The following RFTN1 variants were observed in gnomAD, a reference collection of about 807,000 sequenced individuals.
RFTN1 encodes raftlin.
In RFTN1, 26 loss-of-function variants were observed where a neutral mutation model predicts 46.5. That is an observed-to-expected ratio of 0.56 (90% confidence interval 0.41 to 0.78). The LOEUF is 0.78. RFTN1 is among the 30% of genes least tolerant of loss of function. RFTN1 has a pLI of 0.00. For synonymous variants in RFTN1, 261 were observed against 284.2 expected, an observed-to-expected ratio of 0.92 and a Z score of 0.82; for missense variants, 693 against 718.7, an observed-to-expected ratio of 0.96 and a Z score of 0.41.
intron 4 of RFTN1, among the ~76,000 whole-genome samples, chr3:16,396,704 A>G (rs913529177): frequency 6.6e-6 from 1 of 152,202 alleles, no homozygotes; most frequent in Admixed American, 6.5e-5. Flanking sequence ...AATGCAATAA[A>G]GTACTAGATT....
rs571667797 is a variant in RFTN1, at chr3:16,512,564, G to A, written c.-9+878C>T. On this transcript the variant is annotated intron_variant, in intron 1 of 9. Coordinates refer to ENST00000334133, the MANE Select transcript of RFTN1 (RefSeq NM_015150.2). This position sits in a 1 kb window ranked among gnomAD's most constrained non-coding sequence, Gnocchi z 4.3. ...GTCACAGACAGACAGCAGGGAGCGTGCCTGGTTCTACAACCTTGGCCTCCA... is the reference window on the plus strand; with the variant it reads ...GTCACAGACAGACAGCAGGGAGCGTACCTGGTTCTACAACCTTGGCCTCCA... 2.0e-5 allele frequency among the ~76,000 whole-genome samples: 3 copies of A among 152,312 alleles called. No homozygotes were observed. The East Asian group carries it at 5.8e-4, about 29-fold the overall frequency.
intron 1 of RFTN1, among the ~76,000 whole-genome samples, chr3:16,510,663 T>G (rs1470811530): frequency 6.6e-6 from 1 of 152,342 alleles, no homozygotes; most frequent in Middle Eastern, 3.4e-3. Flanking sequence ...ATACTTGTAT[T>G]CTTTGCTGGT....
intron 3 of RFTN1, among the ~76,000 whole-genome samples, chr3:16,415,587 C>T (rs1227959251): frequency 6.6e-6 from 1 of 151,450 alleles, no homozygotes; most frequent in Non-Finnish European, 1.5e-5. Flanking sequence ...ATTAATGTAG[C>T]AAGAGAAGGG....
chr3:16,324,605 T>G (rs2069471328), intron 8 of RFTN1, among the ~76,000 whole-genome samples: 1 of 121,404 alleles, frequency 8.2e-6, no homozygotes, highest in Non-Finnish European at 1.7e-5. Context: ...AATAACAGAA[T>G]GTCCCTGACC....
chr3:16,401,846 A>G (rs907949249), intron 4 of RFTN1, among the ~76,000 whole-genome samples: 22 of 152,206 alleles, frequency 1.4e-4, no homozygotes, highest in African/African-American at 5.1e-4. Context: ...CAGATCTTGC[A>G]ATTTTGGGTC....
rs1483660858 is a variant in RFTN1 at position 16,489,330 on chromosome 3, A to T, written c.145+4395T>A. Among the ~76,000 whole-genome samples the T allele has an allele frequency of 6.6e-6, 1 of 152,168 alleles. No homozygotes were observed. Among genetic ancestry groups the T allele is most frequent in the Non-Finnish European group, 1.5e-5 (1 of 68,028 alleles). The stretch of plus-strand genomic sequence containing the variant: ...CTACTCGGCAGGCTGAGGCACAAGA[A>T]TTATTTGAACCCAGGAGGTGAAGAT... On this transcript the variant is annotated intron_variant, in intron 2 of 9. Coordinates refer to ENST00000334133, the MANE Select transcript of RFTN1 (RefSeq NM_015150.2). The surrounding 1 kb of genome is among the most constrained non-coding windows in gnomAD (Gnocchi z 4.0).
At position 16,512,233 on chromosome 3, in the gene RFTN1, A is replaced by T. The variant is rs557885433; in HGVS notation, c.-9+1209T>A. The stretch of plus-strand genomic sequence containing the variant: ...ACCCACAGGCCCAGAGGTCGCTCAC[A>T]TTACACCCGGCTTCCTTCCTGGCAA... On this transcript the variant is annotated intron_variant, in intron 1 of 9. Transcript: ENST00000334133. The surrounding 1 kb of genome is among the most constrained non-coding windows in gnomAD (Gnocchi z 4.3). Among the ~76,000 whole-genome samples, 2 of 152,218 alleles carry T rather than the reference A, an allele frequency of 1.3e-5. No individual in the cohort carries two copies. Among genetic ancestry groups the T allele is most frequent in the Admixed American group, 1.3e-4 (2 of 15,294 alleles).
intron 3 of RFTN1, among the ~76,000 whole-genome samples, chr3:16,423,809 AT>A (rs1460514522): frequency 1.3e-5 from 2 of 152,240 alleles, no homozygotes; most frequent in African/African-American, 4.8e-5. Context: ...TATATTACAA[AT>A]TCCCCACGAA....
In RFTN1 at chr3:16,380,809, A is replaced by G. The variant is rs1200513878; in HGVS notation, c.442-2707T>C. Among the ~76,000 whole-genome samples, 1 of 152,216 alleles carries G rather than the reference A, an allele frequency of 6.6e-6. No individual in the cohort carries two copies. The highest frequency in any genetic ancestry group is 1.9e-4 in the East Asian group (1 of 5,204). On this transcript the variant is annotated intron_variant, in intron 4 of 9. Coordinates refer to ENST00000334133, the MANE Select transcript of RFTN1 (RefSeq NM_015150.2). This position sits in a 1 kb window ranked among gnomAD's most constrained non-coding sequence, Gnocchi z 4.8. ...TAGTTTGCACTGCTGCATCCCCAGT[A>G]ATAGAATGATGTCTGACATATAGCA...
chr3:16,401,668 T>C (rs1418270515), intron 4 of RFTN1, among the ~76,000 whole-genome samples: 1 of 152,206 alleles, frequency 6.6e-6, no homozygotes, highest in South Asian at 2.1e-4. Flanking sequence ...CTGTTATGAA[T>C]TGGCAAAAAA....
Position 16,374,844 on chromosome 3 carries a change from CCCA to C in RFTN1, c.826+2871_826+2873del, listed in dbSNP as rs1252575750. On this transcript the variant is annotated intron_variant, in intron 5 of 9. Coordinates refer to ENST00000334133, the MANE Select transcript of RFTN1 (RefSeq NM_015150.2). This position sits in a 1 kb window ranked among gnomAD's most constrained non-coding sequence, Gnocchi z 5.4. ...ATAAGTCAGCGAGCAGGAAGAGGAA[CCCA>C]CGGCGGGCCTCCCCAAGAACCTGCA... is the stretch of plus-strand genomic sequence containing the variant. 2.0e-5 allele frequency among the ~76,000 whole-genome samples: 3 copies of C among 152,134 alleles called. No homozygotes were observed. The highest frequency in any genetic ancestry group is 4.2e-4 in the South Asian group (2 of 4,812).
chr3:16,357,536 ACT>A (rs1442371416), intron 7 of RFTN1, among the ~76,000 whole-genome samples: 1 of 152,180 alleles, frequency 6.6e-6, no homozygotes, highest in Non-Finnish European at 1.5e-5. Context: ...CATGTGCATA[ACT>A]CTAAGGATAG....
At position 16,338,784 on chromosome 3, in the gene RFTN1, A is replaced by G. The variant is rs144629645; in HGVS notation, c.1147-11908T>C. On this transcript the variant is annotated intron_variant, in intron 7 of 9. Transcript: ENST00000334133. The surrounding 1 kb of genome is among the most constrained non-coding windows in gnomAD (Gnocchi z 5.3). The stretch of plus-strand genomic sequence containing the variant: ...TTATGTATTACCTAGAAAAGAGAAA[A>G]GGGATTGAAAAAAGGAGCTTTTCCA... 6.6e-6 allele frequency among the ~76,000 whole-genome samples: 1 copy of G among 152,330 alleles called. No homozygotes were observed. Among genetic ancestry groups the G allele is most frequent in the East Asian group, 1.9e-4 (1 of 5,184 alleles).
Position 16,377,701 on chromosome 3 carries a change from A to G in RFTN1, c.826+17T>C, listed in dbSNP as rs1239541416. On this transcript the variant is annotated intron_variant, in intron 5 of 9. Coordinates refer to ENST00000334133, the MANE Select transcript of RFTN1 (RefSeq NM_015150.2). ...GCTCTTTAAGTGGGTCAAAACTCCC[A>G]TTGCTGACATACTTACTCCCTGAGA... 2.6e-6 allele frequency: 4 copies of G among 1,563,984 alleles called. No homozygotes were observed. In the South Asian group the frequency reaches 4.8e-5, roughly 19 times the overall value.
rs1422500755 is a variant in RFTN1 at position 16,481,648 on chromosome 3, A to G, written c.145+12077T>C. Among the ~76,000 whole-genome samples, 1 of 152,222 alleles carries G rather than the reference A, an allele frequency of 6.6e-6. No individual in the cohort carries two copies. Among genetic ancestry groups the G allele is most frequent in the African/African-American group, 2.4e-5 (1 of 41,456 alleles). On this transcript the variant is annotated intron_variant, in intron 2 of 9. Transcript: ENST00000334133. This position sits in a 1 kb window ranked among gnomAD's most constrained non-coding sequence, Gnocchi z 5.1. ...AAATAGACACACACACACTCTCCAT[A>G]AAAACTCTGCTACACAATTTATTAA...
rs2068480629 is a variant in RFTN1, at chr3:16,317,067, G to A, written c.1498C>T (p.Gln500Ter). 1 of 1,613,602 alleles carries A rather than the reference G, an allele frequency of 6.2e-7. No individual in the cohort carries two copies. The highest frequency in any genetic ancestry group is 8.5e-7 in the Non-Finnish European group (1 of 1,179,950). ...DMGNCVSGQQQEGGVSEEMKG... is the reference protein window; with the variant it reads ...DMGNCVSGQQ ...ATCTCCTCGGAGACTCCACCCTCCT[G>A]CTGCTGTCCTGAAACACAGTTTCCC... The change falls in exon 10 of 10, where the codon CAG (glutamine) becomes TAG (stop). Residue 500 changes from glutamine (Q) to a stop codon, truncating the protein, a stop_gained. Coordinates refer to ENST00000334133, the MANE Select transcript of RFTN1 (RefSeq NM_015150.2). LOFTEE classifies it low-confidence loss of function (END_TRUNC). This position sits in a 1 kb window ranked among gnomAD's most constrained non-coding sequence, Gnocchi z 4.3.
At chr3:16,378,749 T>C (rs2073878657) in intron 4 of RFTN1, among the ~76,000 whole-genome samples, 1 of 152,114 alleles carries the variant, frequency 6.6e-6, no homozygotes, top group Non-Finnish European at 1.5e-5. Context: ...CCACAGATCA[T>C]GCCCAGCCCA....
chr3:16,454,821 T>C, intron 2 of RFTN1: 1 of 982,636 alleles, frequency 1.0e-6, no homozygotes, highest in Non-Finnish European at 1.2e-6. Flanking sequence ...GCAGGGACTT[T>C]GTCTTGTTCA....
At chr3:16,319,617 A>C (rs1377832048) in intron 9 of RFTN1, among the ~76,000 whole-genome samples, 1 of 152,202 alleles carries the variant, frequency 6.6e-6, no homozygotes, top group East Asian at 1.9e-4. Flanking sequence ...TGCTCTTGCT[A>C]AATAACAGAG....
Sources: gnomAD v4.1 joint callset for allele counts (sites outside exome capture counted in the v4.1 genomes callset) on GRCh38, gnomAD v4.1.1 for gene constraint, Gnocchi (gnomAD v3.1) non-coding constraint, MANE v1.5 for transcripts, NCBI Gene and HGNC (gene_info 2026-07-23, HGNC 2026-07-21) for gene names.